BBS9: variants seen among roughly 807,000 people sequenced by gnomAD.
BBS9 encodes the protein protein PTHB1.
Under a neutral mutation model 117.7 loss-of-function variants are expected in BBS9, and 89 were observed. The ratio of observed to expected loss-of-function variants is 0.76; its 90% CI spans 0.64 to 0.90. BBS9 has a LOEUF of 0.90. Among genes scored for constraint, BBS9 ranks in the 40% least tolerant of loss-of-function variants. The pLI is 0.00. For synonymous variants in BBS9, 379 were observed against 370.9 expected, an observed-to-expected ratio of 1.02 and a Z score of -0.25; for missense variants, 982 against 1,042.2, an observed-to-expected ratio of 0.94 and a Z score of 0.80.
chr7:33,304,192 G>T (rs1295853475), intron 9 of BBS9, among the ~76,000 whole-genome samples: 1 of 141,244 alleles, frequency 7.1e-6, no homozygotes, highest in East Asian at 2.2e-4. Context: ...GTTTCTGCCT[G>T]GCTGCCCATC....
At chr7:33,621,986 G>T (rs1389449579) in intron 21 of BBS9, among the ~76,000 whole-genome samples, 2 of 152,144 alleles carry the variant, frequency 1.3e-5, no homozygotes, top group African/African-American at 4.8e-5. Context: ...AAGGCAGAGG[G>T]ATCACATGAG....
intron 19 of BBS9, among the ~76,000 whole-genome samples, chr7:33,433,998 C>T (rs886853037): frequency 1.3e-5 from 2 of 151,416 alleles, no homozygotes; most frequent in Admixed American, 6.6e-5. Context: ...CATATTTTGC[C>T]GTATAACATT....
At chr7:33,350,397 AT>A (rs1182547428) in intron 13 of BBS9, among the ~76,000 whole-genome samples, 3 of 152,056 alleles carry the variant, frequency 2.0e-5, no homozygotes, top group Non-Finnish European at 2.9e-5. Flanking sequence ...AACACTTCCA[AT>A]TTGTCTTTCT....
At chr7:33,183,112 G>T (rs1331126919) in intron 5 of BBS9, among the ~76,000 whole-genome samples, 2 of 152,256 alleles carry the variant, frequency 1.3e-5, no homozygotes, top group Non-Finnish European at 1.5e-5. Context: ...ATAATATGAA[G>T]TAATTTCTAA....
chr7:33,553,581 G>A (rs1854804523), intron 21 of BBS9, among the ~76,000 whole-genome samples: 1 of 151,916 alleles, frequency 6.6e-6, no homozygotes, highest in African/African-American at 2.4e-5. Context: ...CCTACAAATT[G>A]TACCAATTGT....
intron 5 of BBS9, among the ~76,000 whole-genome samples, chr7:33,242,480 C>CT (rs1794693197): frequency 6.6e-6 from 1 of 152,054 alleles, no homozygotes; most frequent in South Asian, 2.1e-4. Flanking sequence ...CCCAACAGCT[C>CT]TTTTTACCTT....
chr7:33,398,292 T>A (rs1828338833), intron 19 of BBS9, among the ~76,000 whole-genome samples: 1 of 152,200 alleles, frequency 6.6e-6, no homozygotes. Context: ...CTCTTTCCTG[T>A]CTATACCCTA....
chr7:33,272,372 A>G (rs1799941540), intron 7 of BBS9, among the ~76,000 whole-genome samples: 1 of 152,166 alleles, frequency 6.6e-6, no homozygotes, highest in South Asian at 2.1e-4. Context: ...AAAACTGAAA[A>G]CAGTATATGC....
In BBS9 at chr7:33,367,757, T is replaced by C. The variant is rs750830575; in HGVS notation, c.1694-10T>C. ...GGTTACATAAGGTGATTTCTCTCTTTTCTTTGTAGGTTTTGCCAGTCAGTC... is the reference window on the plus strand; with the variant it reads ...GGTTACATAAGGTGATTTCTCTCTTCTCTTTGTAGGTTTTGCCAGTCAGTC... On this transcript the variant is annotated splice_polypyrimidine_tract_variant and intron_variant, in intron 16 of 22. Transcript: ENST00000242067. 8.7e-6 allele frequency: 14 copies of C among 1,613,208 alleles called. No individual in the cohort carries two copies. Among genetic ancestry groups the C allele is most frequent in the Admixed American group, 3.3e-5 (2 of 60,000 alleles).
At chr7:33,196,448 C>G (rs527418558) in intron 5 of BBS9, among the ~76,000 whole-genome samples, 12 of 152,246 alleles carry the variant, frequency 7.9e-5, no homozygotes, top group African/African-American at 2.9e-4. Flanking sequence ...GAATGAACAG[C>G]CAGAACACAG....
chr7:33,480,250 T>C (rs1459627850), intron 19 of BBS9, among the ~76,000 whole-genome samples: 1 of 152,204 alleles, frequency 6.6e-6, no homozygotes, highest in Non-Finnish European at 1.5e-5. Flanking sequence ...AAATTCTTAT[T>C]TCCCAGTGTT....
At chr7:33,411,611 A>G (rs1424985954) in intron 19 of BBS9, among the ~76,000 whole-genome samples, 2 of 152,152 alleles carry the variant, frequency 1.3e-5, no homozygotes, top group Non-Finnish European at 1.5e-5. Context: ...TTAAACTTCT[A>G]TTGATTCATC....
chr7:33,251,863 T>C (rs367881715), intron 5 of BBS9, among the ~76,000 whole-genome samples: 1 of 152,206 alleles, frequency 6.6e-6, no homozygotes, highest in Non-Finnish European at 1.5e-5. Context: ...GACTTGAATA[T>C]ATTAAGTGTT....
intron 21 of BBS9, among the ~76,000 whole-genome samples, chr7:33,628,249 T>TA (rs1400719379): frequency 6.6e-6 from 1 of 151,700 alleles, no homozygotes; most frequent in Non-Finnish European, 1.5e-5. Flanking sequence ...AACAGAAGAA[T>TA]AAAAAAACTA....
chr7:33,360,290 T>C (rs1217662840), intron 16 of BBS9, among the ~76,000 whole-genome samples: 1 of 152,084 alleles, frequency 6.6e-6, no homozygotes, highest in Non-Finnish European at 1.5e-5. Flanking sequence ...ATCAGAATGT[T>C]TTTAAAACTT....
intron 5 of BBS9, among the ~76,000 whole-genome samples, chr7:33,218,182 A>AAAAAATTACAAG (rs1389475804): frequency 1.9e-4 from 29 of 152,350 alleles, no homozygotes; most frequent in African/African-American, 6.3e-4. Context: ...TTACAACTGT[A>AAAAAATTACAAG]TATAGATTAC....
At position 33,506,789 on chromosome 7, in the gene BBS9, A is replaced by G. The variant is rs558534817; in HGVS notation, c.2298+1144A>G. On this transcript the variant is annotated intron_variant, in intron 20 of 22. Transcript: ENST00000242067. ...TAAGTAAATTGGAAAAAGTTAGAATACACATTTTTGTTTAGTGGTGAATGA... is the reference window on the plus strand; with the variant it reads ...TAAGTAAATTGGAAAAAGTTAGAATGCACATTTTTGTTTAGTGGTGAATGA... Among the ~76,000 whole-genome samples the G allele has an allele frequency of 3.3e-5, 5 of 152,340 alleles. No homozygotes were observed. In the South Asian group the frequency reaches 1.0e-3, roughly 32 times the overall value.
chr7:33,558,883 A>AT (rs1209896797), intron 21 of BBS9, among the ~76,000 whole-genome samples: 1 of 152,200 alleles, frequency 6.6e-6, no homozygotes, highest in Admixed American at 6.5e-5. Flanking sequence ...TGACTAATGA[A>AT]TTTTTTAAAA....
At chr7:33,320,233 C>T (rs951566980) in intron 9 of BBS9, among the ~76,000 whole-genome samples, 2 of 152,002 alleles carry the variant, frequency 1.3e-5, no homozygotes, top group African/African-American at 4.8e-5. Context: ...ATTATCCATC[C>T]TTCTCCCACT....
Sources: gnomAD v4.1 joint callset for allele counts (sites outside exome capture counted in the v4.1 genomes callset) on GRCh38, gnomAD v4.1.1 for gene constraint, MANE v1.5 for transcripts, NCBI Gene and HGNC (gene_info 2026-07-23, HGNC 2026-07-21) for gene names.